GRM1: variants seen among roughly 807,000 people sequenced by gnomAD.
The protein encoded by GRM1 is metabotropic glutamate receptor 1.
GRM1 carries 33 observed loss-of-function variants against 90.9 expected under a neutral mutation model. The observed-to-expected ratio is 0.36, with a 90% CI of 0.28 to 0.49. The LOEUF (loss-of-function observed/expected upper bound fraction) is 0.49, where lower values mean the gene tolerates loss of function less well. Among genes scored for constraint, GRM1 ranks in the 20% least tolerant of loss-of-function variants. GRM1 has a pLI of 0.99. For synonymous variants in GRM1, 700 were observed against 613.2 expected, an observed-to-expected ratio of 1.14 and a Z score of -2.09; for missense variants, 1,190 against 1,534.3, an observed-to-expected ratio of 0.78 and a Z score of 3.75.
At chr6:146,210,446 A>G (rs1197903890) in intron 2 of GRM1, among the ~76,000 whole-genome samples, 1 of 152,206 alleles carries the variant, frequency 6.6e-6, no homozygotes, top group Admixed American at 6.5e-5. Context: ...TAAACATTCT[A>G]TGCCTTCTTT....
chr6:146,075,435 TG>T lies in GRM1; in HGVS notation c.700+45219del, dbSNP rs200216814. Among the ~76,000 whole-genome samples the T allele has an allele frequency of 9.0e-3, 1,365 of 152,262 alleles. 12 individuals carry two copies. Among genetic ancestry groups the T allele is most frequent in the Non-Finnish European group, 0.013 (911 of 68,028 alleles). On this transcript the variant is annotated intron_variant, in intron 1 of 7. Coordinates refer to ENST00000282753, the MANE Select transcript of GRM1 (RefSeq NM_001278064.2). ...GCAATAAAGTAATAGATAACTAAAT[TG>T]TATGATATTTTGTATGCTAAATGCT... is the stretch of plus-strand genomic sequence containing the variant.
intron 3 of GRM1, among the ~76,000 whole-genome samples, chr6:146,312,495 A>G (rs1783813786): frequency 6.6e-6 from 1 of 151,922 alleles, no homozygotes; most frequent in Non-Finnish European, 1.5e-5. Flanking sequence ...AAAAAGATTT[A>G]ACTCTTCATA....
At chr6:146,133,155 T>C (rs1264273703) in intron 1 of GRM1, among the ~76,000 whole-genome samples, 2 of 152,196 alleles carry the variant, frequency 1.3e-5, no homozygotes, top group Non-Finnish European at 2.9e-5. Context: ...CAACAATACC[T>C]ATGTGGTTCA....
chr6:146,431,581 T>TTTG (rs1047872615), intron 7 of GRM1, among the ~76,000 whole-genome samples: 13 of 147,794 alleles, frequency 8.8e-5, no homozygotes, highest in South Asian at 4.5e-4. Flanking sequence ...AAGGGACCTG[T>TTTG]TTGTTGTTGT....
At chr6:146,164,586 T>C (rs183326762) in intron 2 of GRM1, among the ~76,000 whole-genome samples, 1 of 152,242 alleles carries the variant, frequency 6.6e-6, no homozygotes, top group Admixed American at 6.5e-5. Flanking sequence ...GAACAATTCA[T>C]CTGTAAAATT....
intron 1 of GRM1, among the ~76,000 whole-genome samples, chr6:146,106,478 C>T (rs1338808477): frequency 3.9e-5 from 6 of 152,154 alleles, no homozygotes; most frequent in Admixed American, 3.9e-4. Context: ...TTTACAGTTG[C>T]CCCTATGCTT....
intron 2 of GRM1, among the ~76,000 whole-genome samples, chr6:146,164,049 A>T (rs534173875): frequency 6.6e-6 from 1 of 151,572 alleles, no homozygotes; most frequent in African/African-American, 2.4e-5. Flanking sequence ...TAAAATTCTA[A>T]TAGTTAACTG....
chr6:146,183,642 C>A (rs1778625744), intron 2 of GRM1, among the ~76,000 whole-genome samples: 1 of 152,054 alleles, frequency 6.6e-6, no homozygotes, highest in Non-Finnish European at 1.5e-5. Flanking sequence ...TTTTCCATGC[C>A]TTGTATTATG....
chr6:146,073,388 G>C (rs1776080920), intron 1 of GRM1, among the ~76,000 whole-genome samples: 1 of 152,142 alleles, frequency 6.6e-6, no homozygotes, highest in African/African-American at 2.4e-5. Context: ...GTAAGGCATG[G>C]TGTAGTAAAA....
At chr6:146,401,701 T>G (rs1454030488) in intron 7 of GRM1, among the ~76,000 whole-genome samples, 1 of 152,178 alleles carries the variant, frequency 6.6e-6, no homozygotes, top group Non-Finnish European at 1.5e-5. Flanking sequence ...GTATGGGTCA[T>G]TTTTGAAAGT....
intron 3 of GRM1, among the ~76,000 whole-genome samples, chr6:146,321,913 T>C (rs1163583264): frequency 1.3e-5 from 2 of 152,162 alleles, no homozygotes; most frequent in Non-Finnish European, 2.9e-5. Flanking sequence ...CTTGACTCTT[T>C]ATCCAATTTG....
intron 5 of GRM1, among the ~76,000 whole-genome samples, chr6:146,376,855 G>T (rs1776118278): frequency 6.6e-6 from 1 of 152,092 alleles, no homozygotes; most frequent in African/African-American, 2.4e-5. Context: ...CACATGTCAT[G>T]GGAGGGACCA....
intron 3 of GRM1, among the ~76,000 whole-genome samples, chr6:146,320,386 T>C (rs1160049309): frequency 6.6e-6 from 1 of 152,222 alleles, no homozygotes; most frequent in Admixed American, 6.5e-5. Context: ...ATTGAGGATT[T>C]TCCCATCGAT....
intron 1 of GRM1, among the ~76,000 whole-genome samples, chr6:146,066,714 G>T (rs1775859718): frequency 6.6e-6 from 1 of 151,886 alleles, no homozygotes; most frequent in Non-Finnish European, 1.5e-5. Flanking sequence ...TTTAAGCAGA[G>T]GTCTAAATCA....
At chr6:146,296,992 T>G (rs1279230941) in intron 2 of GRM1, among the ~76,000 whole-genome samples, 1 of 152,186 alleles carries the variant, frequency 6.6e-6, no homozygotes, top group Admixed American at 6.5e-5. Flanking sequence ...TACAGGCTAT[T>G]GTTGATAAGC....
chr6:146,245,806 G>T (rs1781040780), intron 2 of GRM1, among the ~76,000 whole-genome samples: 1 of 152,092 alleles, frequency 6.6e-6, no homozygotes, highest in Admixed American at 6.6e-5. Context: ...TTACAAGAAA[G>T]AACTTTCATT....
At chr6:146,433,835 C>G (rs780837538) in intron 7 of GRM1, 37 bp from the exon 8 acceptor site, 2 of 1,375,838 alleles carry the variant, frequency 1.5e-6, no homozygotes, top group South Asian at 2.3e-5. Flanking sequence ...TGTGCATGAT[C>G]TATCTGCAAA....
intron 1 of GRM1, among the ~76,000 whole-genome samples, chr6:146,073,121 A>G (rs2128859404): frequency 6.6e-6 from 1 of 152,214 alleles, no homozygotes; most frequent in African/African-American, 2.4e-5. Flanking sequence ...AATATTATGT[A>G]ATAATTATAA....
intron 7 of GRM1, among the ~76,000 whole-genome samples, chr6:146,408,394 T>A (rs572106198): frequency 9.8e-5 from 15 of 152,292 alleles, no homozygotes; most frequent in South Asian, 2.1e-4. Flanking sequence ...CTTCTATGTG[T>A]TTCAGTTATA....
Sources: allele counts gnomAD v4.1 joint callset (sites outside exome capture counted in the v4.1 genomes callset), GRCh38; gene constraint gnomAD v4.1.1; transcripts MANE v1.5; gene names NCBI Gene and HGNC (gene_info 2026-07-23, HGNC 2026-07-21).